Variants in LINGO2 observed in about 807,000 individuals in gnomAD.
LINGO2 encodes leucine rich repeat and Ig domain containing 2.
Under a neutral mutation model 30.6 loss-of-function variants are expected in LINGO2, and 14 were observed. That is an observed-to-expected ratio of 0.46 (90% CI 0.30 to 0.72). The LOEUF (loss-of-function observed/expected upper bound fraction) is 0.72, where lower values mean the gene tolerates loss of function less well. LINGO2 is among the 30% of genes least tolerant of loss of function. The pLI is 0.07. For synonymous variants in LINGO2, 317 were observed against 288.5 expected, an observed-to-expected ratio of 1.10 and a Z score of -1.00; for missense variants, 729 against 751.7, an observed-to-expected ratio of 0.97 and a Z score of 0.35.
the LINGO2 span, among the ~76,000 whole-genome samples, chr9:29,167,443 A>T: frequency 1.3e-5 from 2 of 152,150 alleles, no homozygotes; most frequent in African/African-American, 4.8e-5. Context: ...ACAAAATAAG[A>T]GAGAACCAAA....
the LINGO2 span, among the ~76,000 whole-genome samples, chr9:29,003,170 C>T: frequency 2.6e-5 from 4 of 152,050 alleles, no homozygotes; most frequent in Non-Finnish European, 5.9e-5. Context: ...GTTCTGCTGA[C>T]ATCCTGATTT....
chr9:28,992,254 C>A, the LINGO2 span, among the ~76,000 whole-genome samples: 881 of 151,758 alleles, frequency 5.8e-3, 8 homozygotes, highest in African/African-American at 0.02. Flanking sequence ...CAACAAAGAT[C>A]AAAAGAGACA....
At chr9:28,495,168 G>A (rs1424582311) in intron 1 of LINGO2, among the ~76,000 whole-genome samples, 1 of 127,786 alleles carries the variant, frequency 7.8e-6, no homozygotes. Flanking sequence ...TCTGTAGGTT[G>A]CCTGTTCACT....
At chr9:28,808,665 A>G in the LINGO2 span, among the ~76,000 whole-genome samples, 1 of 152,248 alleles carries the variant, frequency 6.6e-6, no homozygotes, top group Admixed American at 6.5e-5. Context: ...TCATGGTAGA[A>G]CAAGCATCCA....
chr9:28,332,637 C>G (rs1825463409), intron 3 of LINGO2, among the ~76,000 whole-genome samples: 1 of 150,642 alleles, frequency 6.6e-6, no homozygotes, highest in African/African-American at 2.4e-5. Context: ...GAGCCAAACT[C>G]AAGACAGAGA....
At chr9:28,044,520 A>G (rs1251260741) in intron 4 of LINGO2, among the ~76,000 whole-genome samples, 4 of 152,186 alleles carry the variant, frequency 2.6e-5, no homozygotes, top group African/African-American at 7.2e-5. Context: ...ATGGGTTGCT[A>G]ATTTTAAAGT....
the LINGO2 span, among the ~76,000 whole-genome samples, chr9:29,190,012 A>G: frequency 0.28 from 37,256 of 130,898 alleles, 5,236 homozygotes; most frequent in East Asian, 0.49. Context: ...GAAAGAGAGG[A>G]AGAGGGAGAC....
intron 2 of LINGO2, among the ~76,000 whole-genome samples, chr9:28,410,307 G>A (rs1223168471): frequency 6.6e-6 from 1 of 152,026 alleles, no homozygotes; most frequent in Non-Finnish European, 1.5e-5. Flanking sequence ...GGATTTACAT[G>A]AACTACTCAG....
chr9:29,210,453 C>T, the LINGO2 span, among the ~76,000 whole-genome samples: 19 of 151,916 alleles, frequency 1.3e-4, no homozygotes, highest in Admixed American at 1.2e-3. Context: ...TAAGTTGTAC[C>T]TATATTCAGA....
the LINGO2 span, among the ~76,000 whole-genome samples, chr9:28,933,809 T>C: frequency 6.6e-6 from 1 of 152,244 alleles, no homozygotes; most frequent in South Asian, 2.1e-4. Context: ...TTGTTATTGA[T>C]CTTTGTAACC....
the LINGO2 span, among the ~76,000 whole-genome samples, chr9:28,679,263 C>G: frequency 6.6e-6 from 1 of 152,026 alleles, no homozygotes; most frequent in Non-Finnish European, 1.5e-5. Context: ...TCACCATTAT[C>G]AAAGCTACAA....
chr9:28,467,040 G>T (rs919596152), intron 2 of LINGO2, among the ~76,000 whole-genome samples: 6 of 150,420 alleles, frequency 4.0e-5, no homozygotes, highest in African/African-American at 1.2e-4. Flanking sequence ...TTTTTTGGGG[G>T]GGGGGGACGG....
the LINGO2 span, among the ~76,000 whole-genome samples, chr9:28,715,462 A>G: frequency 2.0e-5 from 3 of 152,130 alleles, no homozygotes; most frequent in African/African-American, 7.2e-5. Context: ...TCTGCAATGT[A>G]CACTTATAAT....
intron 1 of LINGO2, among the ~76,000 whole-genome samples, chr9:28,568,182 C>G (rs530179658): frequency 6.6e-6 from 1 of 152,146 alleles, no homozygotes; most frequent in Admixed American, 6.5e-5. Flanking sequence ...TGGAGAAGTT[C>G]TAGTTTGCCA....
chr9:28,628,206 A>G (rs753806434), intron 1 of LINGO2, among the ~76,000 whole-genome samples: 9 of 152,074 alleles, frequency 5.9e-5, no homozygotes, highest in Non-Finnish European at 1.2e-4. Context: ...CATTTTATGG[A>G]CCAGGAAGAT....
chr9:28,795,704 G>C, the LINGO2 span, among the ~76,000 whole-genome samples: 1 of 151,990 alleles, frequency 6.6e-6, no homozygotes, highest in South Asian at 2.1e-4. Context: ...TCTTGCCTGA[G>C]TAATCGGTGG....
At chr9:27,994,597 C>A (rs1037855514) in intron 5 of LINGO2, among the ~76,000 whole-genome samples, 1 of 152,134 alleles carries the variant, frequency 6.6e-6, no homozygotes, top group African/African-American at 2.4e-5. Context: ...ATTCACTCTG[C>A]ATTTAACCTG....
intron 4 of LINGO2, among the ~76,000 whole-genome samples, chr9:28,273,211 G>A (rs1021066439): frequency 1.1e-4 from 16 of 152,106 alleles, no homozygotes; most frequent in Non-Finnish European, 2.2e-4. Flanking sequence ...TTGTTCCTTA[G>A]AAGAGATTCT....
chr9:28,151,527 C>T (rs1828000103), intron 4 of LINGO2, among the ~76,000 whole-genome samples: 1 of 151,670 alleles, frequency 6.6e-6, no homozygotes, highest in Non-Finnish European at 1.5e-5. Context: ...TCAAGATCAA[C>T]TTAAGATTAT....
Sources: gnomAD v4.1 joint callset for allele counts (sites outside exome capture counted in the v4.1 genomes callset) on GRCh38, gnomAD v4.1.1 for gene constraint, MANE v1.5 for transcripts, NCBI Gene and HGNC (gene_info 2026-07-23, HGNC 2026-07-21) for gene names.